WDPCP: variants seen among roughly 807,000 people sequenced by gnomAD.
The protein encoded by WDPCP is WD repeat-containing and planar cell polarity effector protein fritz homolog.
A neutral mutation model predicts 93.1 loss-of-function variants in WDPCP; 71 were observed. That is an observed-to-expected ratio of 0.76 (90% confidence interval 0.63 to 0.93). WDPCP has a LOEUF of 0.93. WDPCP is among the 40% of genes least tolerant of loss of function. The probability of loss-of-function intolerance (pLI) is 0.00; values close to 1 mark genes in which losing one functional copy is unlikely to be tolerated. For synonymous variants in WDPCP, 315 were observed against 315.0 expected, an observed-to-expected ratio of 1.00 and a Z score of 0.00; for missense variants, 844 against 887.4, an observed-to-expected ratio of 0.95 and a Z score of 0.62.
Position 63,691,139 on chromosome 2 carries a change from C to A in WDPCP, n.309-40301G>T, listed in dbSNP as rs574625629. 5.3e-5 allele frequency among the ~76,000 whole-genome samples: 8 copies of A among 152,272 alleles called. No homozygotes were observed. In the South Asian group the frequency reaches 1.7e-3, roughly 32 times the overall value. ...TCACGTGGGCACCCTTAGCATCCAGCTTTTAGTCTCTATTATCCATTAATA... is the reference window on the plus strand; with the variant it reads ...TCACGTGGGCACCCTTAGCATCCAGATTTTAGTCTCTATTATCCATTAATA... On this transcript the variant is annotated intron_variant and non_coding_transcript_variant, in intron 2 of 4. Coordinates refer to the WDPCP transcript ENST00000467687.
intron 14 of WDPCP, among the ~76,000 whole-genome samples, chr2:63,195,405 T>C (rs895716086): frequency 1.3e-5 from 2 of 152,324 alleles, no homozygotes; most frequent in East Asian, 3.9e-4. Context: ...TTACATATTA[T>C]TGGTAAATCA....
chr2:63,489,420 G>C (rs751015035), intron 2 of WDPCP, among the ~76,000 whole-genome samples: 1 of 152,102 alleles, frequency 6.6e-6, no homozygotes, highest in Non-Finnish European at 1.5e-5. Context: ...CATTCTGCAA[G>C]CTCTGTCCAC....
At chr2:63,518,001 G>C (rs1203723235) in intron 1 of WDPCP, 2 of 152,350 alleles carry the variant, frequency 1.3e-5, no homozygotes, top group Non-Finnish European at 2.9e-5. Flanking sequence ...CGATTCTCCT[G>C]TCTCAGCCTC....
At chr2:63,364,968 G>T (rs1479457271) in intron 12 of WDPCP, among the ~76,000 whole-genome samples, 2 of 152,110 alleles carry the variant, frequency 1.3e-5, no homozygotes, top group Non-Finnish European at 2.9e-5. Flanking sequence ...GCAGCCATTG[G>T]CAATATGCAA....
intron 2 of WDPCP, among the ~76,000 whole-genome samples, chr2:63,735,023 TATC>T (rs1360436710): frequency 2.6e-5 from 4 of 152,238 alleles, no homozygotes; most frequent in Non-Finnish European, 4.4e-5. Flanking sequence ...GTAACTCTGA[TATC>T]ATTTATTCAT....
rs1212309551 is a variant in WDPCP at position 63,555,463 on chromosome 2, T to G, written c.75+32734A>C. Among the ~76,000 whole-genome samples, 4 of 152,194 alleles carry G rather than the reference T, an allele frequency of 2.6e-5. No individual in the cohort carries two copies. In the East Asian group the frequency reaches 7.7e-4, roughly 29 times the overall value. ...TCCAGGCCAGTGGGATTCCCCCCAG[T>G]GCAGCACACCCTCTCTGCCAAGGGG... On this transcript the variant is annotated intron_variant, in intron 1 of 17. Coordinates refer to ENST00000272321, the MANE Select transcript of WDPCP (RefSeq NM_015910.7).
At chr2:63,542,839 A>G (rs1704846891) in intron 1 of WDPCP, among the ~76,000 whole-genome samples, 1 of 152,212 alleles carries the variant, frequency 6.6e-6, no homozygotes, top group South Asian at 2.1e-4. Context: ...TTTCACAAAC[A>G]GAAGGAAAAC....
At position 63,303,474 on chromosome 2, in the gene WDPCP, G is replaced by C. The variant is rs1243560768; in HGVS notation, c.1812+9774C>G. Among the ~76,000 whole-genome samples the C allele has an allele frequency of 2.0e-5, 3 of 152,260 alleles. No individual in the cohort carries two copies. In the East Asian group the frequency reaches 5.8e-4, roughly 29 times the overall value. ...CTGATACGCCTGGACCCTGGACTTTGCATTGACCACCCATTGTACCTCTGT... is the reference window on the plus strand; with the variant it reads ...CTGATACGCCTGGACCCTGGACTTTCCATTGACCACCCATTGTACCTCTGT... On this transcript the variant is annotated intron_variant, in intron 13 of 17. Transcript: ENST00000272321.
intron 12 of WDPCP, among the ~76,000 whole-genome samples, chr2:63,373,234 T>G (rs539516087): frequency 1.4e-5 from 2 of 146,212 alleles, no homozygotes; most frequent in East Asian, 3.9e-4. Context: ...TTAAATTTTC[T>G]TTGTTTTCAT....
At chr2:63,567,885 T>G (rs770967659) in intron 1 of WDPCP, among the ~76,000 whole-genome samples, 3 of 152,216 alleles carry the variant, frequency 2.0e-5, no homozygotes, top group Non-Finnish European at 4.4e-5. Flanking sequence ...GAATAAATAA[T>G]TTTTTATATA....
chr2:63,683,162 A>G (rs989538403), intron 2 of WDPCP, among the ~76,000 whole-genome samples: 8 of 152,196 alleles, frequency 5.3e-5, no homozygotes, highest in Admixed American at 2.6e-4. Context: ...AAAGGAAGAC[A>G]GGAAGGAGGG....
intron 3 of WDPCP, among the ~76,000 whole-genome samples, chr2:63,640,230 G>A (rs368623693): frequency 6.6e-6 from 1 of 152,120 alleles, no homozygotes; most frequent in Non-Finnish European, 1.5e-5. Context: ...GGATGGTGTC[G>A]ATCTCCTGAC....
At chr2:63,361,758 G>A (rs1424203564) in intron 12 of WDPCP, among the ~76,000 whole-genome samples, 2 of 152,120 alleles carry the variant, frequency 1.3e-5, no homozygotes, top group African/African-American at 4.8e-5. Flanking sequence ...AAGTGAAGAG[G>A]TGAAAAGAGA....
At chr2:63,672,263 T>C (rs1315113365) in intron 2 of WDPCP, among the ~76,000 whole-genome samples, 1 of 152,216 alleles carries the variant, frequency 6.6e-6, no homozygotes, top group Non-Finnish European at 1.5e-5. Flanking sequence ...GTCAGAAAGC[T>C]GAATACTTGT....
chr2:63,711,574 T>G (rs11686956), intron 2 of WDPCP: 27,473 of 152,144 alleles, frequency 0.18, 2,649 homozygotes, highest in Middle Eastern at 0.23. Flanking sequence ...CTGGACAACA[T>G]AGTGAGACCC....
rs183733260 is a variant in WDPCP at position 63,270,821 on chromosome 2, G to A, written c.1813-11412C>T. Among the ~76,000 whole-genome samples, 14 of 152,276 alleles carry A rather than the reference G, an allele frequency of 9.2e-5. No homozygotes were observed. The East Asian group carries it at 2.7e-3, about 29-fold the overall frequency. ...CCTTATGGACCCTGAGACTAGTATA[G>A]GGACTTCTCGGAGTCCATGCAGTGG... is the stretch of plus-strand genomic sequence containing the variant. On this transcript the variant is annotated intron_variant, in intron 13 of 17. Transcript: ENST00000272321.
intron 5 of WDPCP, 122 bp downstream of exon 5, chr2:63,484,795 A>C: frequency 4.7e-6 from 7 of 1,488,276 alleles, no homozygotes; most frequent in Non-Finnish European, 5.6e-6. Flanking sequence ...GGAACTCATC[A>C]CTGGACAAAA....
chr2:63,616,124 T>C (rs755053948), intron 3 of WDPCP, among the ~76,000 whole-genome samples: 2 of 152,194 alleles, frequency 1.3e-5, no homozygotes, highest in Non-Finnish European at 2.9e-5. Flanking sequence ...TATAGTACAA[T>C]AAATTCTTTG....
intron 13 of WDPCP, among the ~76,000 whole-genome samples, chr2:63,279,347 TAAAAAC>T (rs952311085): frequency 6.6e-6 from 1 of 151,734 alleles, no homozygotes; most frequent in Non-Finnish European, 1.5e-5. Context: ...TAAACACAAT[TAAAAAC>T]AAAAATCACA....
Sources: allele counts gnomAD v4.1 joint callset (sites outside exome capture counted in the v4.1 genomes callset), GRCh38; gene constraint gnomAD v4.1.1; transcripts MANE v1.5; gene names NCBI Gene and HGNC (gene_info 2026-07-23, HGNC 2026-07-21).